KCNIP4: variants seen among roughly 807,000 people sequenced by gnomAD.
The protein encoded by KCNIP4 is potassium voltage-gated channel interacting protein 4.
In KCNIP4, 12 loss-of-function variants were observed where a neutral mutation model predicts 34.0. That is an observed-to-expected ratio of 0.35 (90% CI 0.23 to 0.57). KCNIP4 has a LOEUF of 0.57. Ranked by LOEUF, KCNIP4 falls within the 20% of genes least tolerant of loss-of-function variation. The pLI is 0.83. For synonymous variants in KCNIP4, 124 were observed against 102.2 expected, an observed-to-expected ratio of 1.21 and a Z score of -1.29; for missense variants, 238 against 311.7, an observed-to-expected ratio of 0.76 and a Z score of 1.78.
chr4:21,578,092 T>C (rs898538125), intron 1 of KCNIP4, among the ~76,000 whole-genome samples: 2 of 151,968 alleles, frequency 1.3e-5, no homozygotes, highest in African/African-American at 4.8e-5. Flanking sequence ...TCCCAGCAGT[T>C]TGGGAGAACG....
At chr4:20,976,158 G>T (rs960666210) in intron 1 of KCNIP4, among the ~76,000 whole-genome samples, 12 of 152,144 alleles carry the variant, frequency 7.9e-5, no homozygotes, top group African/African-American at 2.7e-4. Flanking sequence ...CTAACTCAAT[G>T]GTTCTCAAAG....
intron 1 of KCNIP4, among the ~76,000 whole-genome samples, chr4:21,064,205 T>G (rs1744156706): frequency 6.6e-6 from 1 of 152,136 alleles, no homozygotes; most frequent in Non-Finnish European, 1.5e-5. Context: ...TTTTTCAAGA[T>G]GAAATTAGAT....
At chr4:21,609,610 G>A (rs1395898621) in intron 1 of KCNIP4, among the ~76,000 whole-genome samples, 2 of 152,122 alleles carry the variant, frequency 1.3e-5, no homozygotes, top group Non-Finnish European at 1.5e-5. Flanking sequence ...AGAGCAACAA[G>A]TAATCACAAT....
At chr4:21,532,261 A>G (rs1736743573) in intron 1 of KCNIP4, among the ~76,000 whole-genome samples, 1 of 152,190 alleles carries the variant, frequency 6.6e-6, no homozygotes, top group Admixed American at 6.6e-5. Flanking sequence ...TAATTATTAC[A>G]TAAGACCAAT....
At chr4:21,370,036 C>T (rs1720179533) in intron 1 of KCNIP4, among the ~76,000 whole-genome samples, 2 of 147,038 alleles carry the variant, frequency 1.4e-5, no homozygotes, top group Non-Finnish European at 2.9e-5. Flanking sequence ...ACCGTGTTAG[C>T]CAGGATGGTC....
At chr4:21,091,862 T>C (rs1316240468) in intron 1 of KCNIP4, among the ~76,000 whole-genome samples, 1 of 152,188 alleles carries the variant, frequency 6.6e-6, no homozygotes, top group Non-Finnish European at 1.5e-5. Context: ...CCTCCTAGTA[T>C]TATCACATTG....
intron 1 of KCNIP4, among the ~76,000 whole-genome samples, chr4:20,912,942 G>T (rs1042898013): frequency 6.6e-6 from 1 of 152,166 alleles, no homozygotes; most frequent in African/African-American, 2.4e-5. Context: ...AATGGAAAAT[G>T]GTGCGGCCTT....
rs531972539 is a variant in KCNIP4, at chr4:21,711,646, GATAAA to G, written c.61+236920_61+236924del. Among the ~76,000 whole-genome samples the G allele has an allele frequency of 1.6e-3, 249 of 152,270 alleles. 1 individual carries two copies. Among genetic ancestry groups the G allele is most frequent in the Admixed American group, 3.1e-3 (48 of 15,300 alleles). Reference sequence around the variant, plus strand: ...TAACGAAAAACTGATTTCATTAAGAGATAAAATATATAGGCAAATTTTAATTGGAT... The same window carrying G: ...TAACGAAAAACTGATTTCATTAAGAGATATATAGGCAAATTTTAATTGGAT... On this transcript the variant is annotated intron_variant, in intron 1 of 8. Transcript: ENST00000382152.
chr4:21,880,128 G>A (rs921833940), intron 1 of KCNIP4, among the ~76,000 whole-genome samples: 1 of 152,100 alleles, frequency 6.6e-6, no homozygotes, highest in South Asian at 2.1e-4. Context: ...ATGTATAGTT[G>A]ACTGTCTTGC....
At chr4:21,346,574 C>A (rs1401869921) in intron 1 of KCNIP4, among the ~76,000 whole-genome samples, 2 of 151,814 alleles carry the variant, frequency 1.3e-5, no homozygotes, top group East Asian at 3.9e-4. Flanking sequence ...AAAACTTAGA[C>A]TCACAAACAA....
At chr4:21,567,253 T>C (rs1214461520) in intron 1 of KCNIP4, among the ~76,000 whole-genome samples, 1 of 98,566 alleles carries the variant, frequency 1.0e-5, no homozygotes, top group East Asian at 2.5e-4. Context: ...TATATAGATA[T>C]GTGTACATTT....
At chr4:20,840,781 C>T (rs888030554) in intron 3 of KCNIP4, among the ~76,000 whole-genome samples, 5 of 152,260 alleles carry the variant, frequency 3.3e-5, no homozygotes, top group Middle Eastern at 3.4e-3. Flanking sequence ...CAGCATTGAT[C>T]CTTCTCTGTC....
intron 1 of KCNIP4, among the ~76,000 whole-genome samples, chr4:21,925,538 A>G (rs959429376): frequency 9.9e-5 from 15 of 152,248 alleles, no homozygotes; most frequent in Middle Eastern, 6.8e-3. Flanking sequence ...GTGCTGCTAT[A>G]AACAGATGTC....
At chr4:21,911,159 A>G (rs1728284991) in intron 1 of KCNIP4, among the ~76,000 whole-genome samples, 1 of 152,176 alleles carries the variant, frequency 6.6e-6, no homozygotes. Context: ...ACAAAAAAGG[A>G]GTTCAAACAA....
intron 1 of KCNIP4, among the ~76,000 whole-genome samples, chr4:21,784,521 T>C (rs979398780): frequency 2.6e-5 from 4 of 152,118 alleles, no homozygotes; most frequent in Non-Finnish European, 5.9e-5. Flanking sequence ...TTCTAATATG[T>C]CAACCTGCCA....
intron 1 of KCNIP4, among the ~76,000 whole-genome samples, chr4:21,935,711 C>T (rs1447733083): frequency 6.6e-6 from 1 of 152,048 alleles, no homozygotes; most frequent in African/African-American, 2.4e-5. Context: ...CTCCTGACTT[C>T]TCATCCTCAT....
At chr4:21,496,671 G>T in intron 1 of KCNIP4, among the ~76,000 whole-genome samples, 1 of 152,184 alleles carries the variant, frequency 6.6e-6, no homozygotes. Context: ...CCAGTCCATG[G>T]CCTGTTAGGA....
At chr4:21,202,951 T>C (rs1486042555) in intron 1 of KCNIP4, among the ~76,000 whole-genome samples, 1 of 152,194 alleles carries the variant, frequency 6.6e-6, no homozygotes, top group Non-Finnish European at 1.5e-5. Flanking sequence ...TCTAGCTCAG[T>C]CCTGCACTGT....
chr4:21,778,205 G>A (rs4496573), intron 1 of KCNIP4, among the ~76,000 whole-genome samples: 1 of 135,182 alleles, frequency 7.4e-6, no homozygotes, highest in African/African-American at 2.9e-5. Flanking sequence ...ATTTTTATTT[G>A]TTTCTTTTTC....
Sources: allele counts gnomAD v4.1 joint callset (sites outside exome capture counted in the v4.1 genomes callset), GRCh38; gene constraint gnomAD v4.1.1; transcripts MANE v1.5; gene names NCBI Gene and HGNC (gene_info 2026-07-23, HGNC 2026-07-21).